Variants in RBKS observed in about 807,000 individuals in gnomAD.
RBKS encodes the protein ribokinase.
In RBKS, 33 loss-of-function variants were observed where a neutral mutation model predicts 33.9. That is an observed-to-expected ratio of 0.97 (90% CI 0.74 to 1.30). RBKS has a LOEUF of 1.30. RBKS is among the 50% of genes most tolerant of loss of function. The pLI, the probability that RBKS is intolerant of heterozygous loss-of-function variation, is 0.00. For missense variants in RBKS, 361 were observed against 392.6 expected (o/e 0.92, Z 0.68); for synonymous variants, 125 against 143.0 (o/e 0.87, Z 0.90).
intron 7 of RBKS, among the ~76,000 whole-genome samples, chr2:27,791,613 TACACAC>T (rs59707075): frequency 4.4e-4 from 62 of 141,050 alleles, no homozygotes; most frequent in African/African-American, 6.4e-4. Context: ...ATAATAAATC[TACACAC>T]ACACACACAC....
chr2:27,811,955 T>C (rs1677993938), intron 7 of RBKS, among the ~76,000 whole-genome samples: 1 of 152,312 alleles, frequency 6.6e-6, no homozygotes, highest in Middle Eastern at 3.4e-3. Flanking sequence ...CAACAAATCC[T>C]GTCACTGAGA....
intron 1 of RBKS, among the ~76,000 whole-genome samples, chr2:27,867,267 G>A (rs1664120716): frequency 6.6e-6 from 1 of 152,072 alleles, no homozygotes; most frequent in South Asian, 2.1e-4. Context: ...AACATGGGCA[G>A]AAGTAAATAT....
intron 5 of RBKS, among the ~76,000 whole-genome samples, chr2:27,836,039 C>T (rs368413025): frequency 3.9e-5 from 6 of 152,106 alleles, no homozygotes; most frequent in East Asian, 3.9e-4. Context: ...CATGCTGAAA[C>T]CCCGTCTCTA....
intron 2 of RBKS, among the ~76,000 whole-genome samples, chr2:27,848,420 A>G (rs1663666493): frequency 1.3e-5 from 2 of 152,194 alleles, no homozygotes; most frequent in South Asian, 2.1e-4. Context: ...TTTATGAAGA[A>G]TCTCAGCTGT....
intron 5 of RBKS, among the ~76,000 whole-genome samples, chr2:27,835,114 A>G (rs1678490245): frequency 6.6e-6 from 1 of 151,984 alleles, no homozygotes; most frequent in South Asian, 2.1e-4. Flanking sequence ...TGTCTTCACT[A>G]AAAGTATAAA....
At chr2:27,870,716 G>A (rs746650597) in intron 1 of RBKS, 260 of 453,648 alleles carry the variant, frequency 5.7e-4, no homozygotes, top group Non-Finnish European at 8.7e-4. Context: ...TTTGATGTGA[G>A]TAGTGAAACC....
intron 7 of RBKS, among the ~76,000 whole-genome samples, chr2:27,800,517 C>T (rs1677756496): frequency 6.6e-6 from 1 of 152,118 alleles, no homozygotes; most frequent in Non-Finnish European, 1.5e-5. Flanking sequence ...AAAGGCTTAG[C>T]ACAGTGCTTG....
chr2:27,800,036 T>C (rs1677743588), intron 7 of RBKS, among the ~76,000 whole-genome samples: 1 of 151,120 alleles, frequency 6.6e-6, no homozygotes, highest in African/African-American at 2.4e-5. Context: ...CTCTGCCCCT[T>C]GTTGTTAGGT....
At chr2:27,851,982 A>C (rs867628740) in intron 2 of RBKS, among the ~76,000 whole-genome samples, 4 of 152,182 alleles carry the variant, frequency 2.6e-5, no homozygotes, top group African/African-American at 7.2e-5. Context: ...TTTGGGTAGA[A>C]AGATTCTTGG....
At chr2:27,880,615 C>A (rs1664400707) in intron 1 of RBKS, among the ~76,000 whole-genome samples, 1 of 152,190 alleles carries the variant, frequency 6.6e-6, no homozygotes, top group African/African-American at 2.4e-5. Context: ...CATTCCTATA[C>A]ACCAAGAGTC....
chr2:27,876,086 A>G (rs1318338562), intron 1 of RBKS, among the ~76,000 whole-genome samples: 1 of 152,180 alleles, frequency 6.6e-6, no homozygotes, highest in East Asian at 1.9e-4. Context: ...TGGGTCCTCA[A>G]AAAAATTAAA....
chr2:27,829,165 G>T (rs1046369446), intron 6 of RBKS, among the ~76,000 whole-genome samples: 1 of 152,098 alleles, frequency 6.6e-6, no homozygotes, highest in Non-Finnish European at 1.5e-5. Flanking sequence ...AAAGCACTGG[G>T]ATTACAGGTA....
intron 3 of RBKS, 38 bp from the exon 4 acceptor site, chr2:27,847,142 G>A (rs751192196): frequency 8.6e-7 from 1 of 1,163,750 alleles, no homozygotes; most frequent in Non-Finnish European, 1.3e-6. Flanking sequence ...CATGTATACA[G>A]GCTGGCATGG....
chr2:27,793,303 G>A (rs1457798539), intron 7 of RBKS, among the ~76,000 whole-genome samples: 1 of 152,162 alleles, frequency 6.6e-6, no homozygotes, highest in Admixed American at 6.5e-5. Context: ...GGTAGGATGA[G>A]GGTAGGATAT....
intron 7 of RBKS, among the ~76,000 whole-genome samples, chr2:27,823,995 C>T (rs942959356): frequency 2.0e-5 from 3 of 152,168 alleles, no homozygotes; most frequent in Non-Finnish European, 4.4e-5. Flanking sequence ...GATTCCAGAA[C>T]ATTTTCATCA....
intron 2 of RBKS, among the ~76,000 whole-genome samples, chr2:27,850,206 G>C (rs1326022876): frequency 1.3e-5 from 2 of 152,164 alleles, no homozygotes; most frequent in Admixed American, 6.5e-5. Flanking sequence ...CAGCCTAAGA[G>C]AGTAGAAAGT....
At chr2:27,877,470 C>G (rs930298135) in intron 1 of RBKS, among the ~76,000 whole-genome samples, 2 of 151,802 alleles carry the variant, frequency 1.3e-5, no homozygotes, top group African/African-American at 4.8e-5. Flanking sequence ...TGTATTTTTT[C>G]TTAAATCTCA....
At chr2:27,862,963 G>A (rs1573071083) in intron 1 of RBKS, among the ~76,000 whole-genome samples, 1 of 150,894 alleles carries the variant, frequency 6.6e-6, no homozygotes, top group South Asian at 2.1e-4. Context: ...ACAAAGCACC[G>A]TCTCCTGGGA....
intron 1 of RBKS, among the ~76,000 whole-genome samples, chr2:27,885,038 G>C (rs983839593): frequency 2.6e-5 from 4 of 151,966 alleles, no homozygotes; most frequent in Admixed American, 2.0e-4. Flanking sequence ...CCAAACTCTT[G>C]TATCTATTTT....
Sources: gnomAD v4.1 joint callset for allele counts (sites outside exome capture counted in the v4.1 genomes callset) on GRCh38, gnomAD v4.1.1 for gene constraint, MANE v1.5 for transcripts, NCBI Gene and HGNC (gene_info 2026-07-23, HGNC 2026-07-21) for gene names.